The following NELL1 variants were observed in gnomAD, a reference collection of about 807,000 sequenced individuals.
The protein encoded by NELL1 is neural EGFL like 1, also known as protein kinase C-binding protein NELL1.
A neutral mutation model predicts 107.4 loss-of-function variants in NELL1; 76 were observed. The observed-to-expected ratio is 0.71, with a 90% confidence interval of 0.59 to 0.86. The LOEUF (loss-of-function observed/expected upper bound fraction) is 0.86. NELL1 is among the 40% of genes least tolerant of loss of function. The pLI is 0.00. For synonymous variants in NELL1, 353 were observed against 341.2 expected (o/e 1.03, Z -0.38); for missense variants, 1,024 against 1,005.5 (o/e 1.02, Z -0.25).
chr11:21,330,969 T>G (rs1850260359), intron 14 of NELL1, among the ~76,000 whole-genome samples: 2 of 152,130 alleles, frequency 1.3e-5, no homozygotes, highest in East Asian at 3.9e-4. Flanking sequence ...GGTTAGCTGA[T>G]TCTTCTACCC....
At chr11:21,211,222 C>A (rs564932729) in intron 13 of NELL1, among the ~76,000 whole-genome samples, 2 of 152,210 alleles carry the variant, frequency 1.3e-5, no homozygotes, top group South Asian at 2.1e-4. Context: ...ATTAAAAGTT[C>A]TTTCTCTGAG....
intron 13 of NELL1, among the ~76,000 whole-genome samples, chr11:21,116,483 C>A (rs919160193): frequency 6.6e-6 from 1 of 151,964 alleles, no homozygotes; most frequent in African/African-American, 2.4e-5. Flanking sequence ...ATTATATATT[C>A]AACTTGACAT....
chr11:20,987,085 T>C (rs1851868898), intron 12 of NELL1, among the ~76,000 whole-genome samples: 2 of 152,180 alleles, frequency 1.3e-5, no homozygotes, highest in Admixed American at 1.3e-4. Context: ...TCAAAATGGC[T>C]TTTTTTAATA....
intron 14 of NELL1, among the ~76,000 whole-genome samples, chr11:21,274,775 T>C (rs997373214): frequency 3.9e-5 from 6 of 152,168 alleles, no homozygotes; most frequent in Non-Finnish European, 8.8e-5. Context: ...ACATGGAAAC[T>C]GAACAACCTG....
intron 13 of NELL1, among the ~76,000 whole-genome samples, chr11:21,202,497 C>T (rs981160392): frequency 3.9e-5 from 6 of 152,216 alleles, no homozygotes; most frequent in African/African-American, 1.4e-4. Context: ...CTTATTGCAT[C>T]TATTTAATTC....
At chr11:21,284,286 G>A (rs763206111) in intron 14 of NELL1, 7 of 457,224 alleles carry the variant, frequency 1.5e-5, no homozygotes, top group South Asian at 1.1e-4. Context: ...CTAGTTGTTT[G>A]GGAAAACACA....
At chr11:20,855,180 T>C (rs1848860310) in intron 4 of NELL1, among the ~76,000 whole-genome samples, 1 of 151,814 alleles carries the variant, frequency 6.6e-6, no homozygotes, top group African/African-American at 2.4e-5. Flanking sequence ...ACTTTTTCTT[T>C]TTTTTTTTTT....
chr11:21,529,359 C>G (rs1295904907), intron 15 of NELL1, among the ~76,000 whole-genome samples: 1 of 152,090 alleles, frequency 6.6e-6, no homozygotes, highest in Admixed American at 6.6e-5. Context: ...GAAGCATGCT[C>G]CAGGCACATC....
At chr11:21,439,625 A>G (rs920802934) in intron 15 of NELL1, among the ~76,000 whole-genome samples, 3 of 152,154 alleles carry the variant, frequency 2.0e-5, no homozygotes, top group African/African-American at 7.2e-5. Flanking sequence ...TGCTTTTGGG[A>G]TCATTTCTTA....
At chr11:21,048,607 C>T (rs1366257863) in intron 12 of NELL1, among the ~76,000 whole-genome samples, 1 of 152,082 alleles carries the variant, frequency 6.6e-6, no homozygotes, top group Non-Finnish European at 1.5e-5. Context: ...TTAGGCTTGA[C>T]CTTTTCTTGT....
At chr11:20,767,648 G>A (rs1856558540) in intron 2 of NELL1, among the ~76,000 whole-genome samples, 1 of 152,220 alleles carries the variant, frequency 6.6e-6, no homozygotes. Flanking sequence ...TTATGTAAGA[G>A]TATGACAGAC....
At chr11:21,455,920 G>A (rs560463015) in intron 15 of NELL1, among the ~76,000 whole-genome samples, 13 of 146,858 alleles carry the variant, frequency 8.9e-5, no homozygotes, top group African/African-American at 1.5e-4. Context: ...GTGGAGTCTC[G>A]CTTTGTCGCC....
intron 11 of NELL1, among the ~76,000 whole-genome samples, chr11:20,958,022 A>C (rs72939223): frequency 0.023 from 3,552 of 152,332 alleles, 69 homozygotes; most frequent in Middle Eastern, 0.034. Context: ...AAATGATGAA[A>C]GATTTCATCA....
intron 4 of NELL1, among the ~76,000 whole-genome samples, chr11:20,880,641 C>A (rs1041319287): frequency 6.6e-6 from 1 of 152,098 alleles, no homozygotes; most frequent in Non-Finnish European, 1.5e-5. Context: ...TTTTTCAGTG[C>A]GGTATATTTT....
intron 2 of NELL1, among the ~76,000 whole-genome samples, chr11:20,753,310 C>T (rs1027875225): frequency 6.6e-6 from 1 of 152,150 alleles, no homozygotes; most frequent in African/African-American, 2.4e-5. Flanking sequence ...GATAGCAGAG[C>T]CTAGTGATCT....
Position 20,862,628 on chromosome 11 carries a change from T to TA in NELL1, c.506+14876dup, listed in dbSNP as rs1554933742. Among the ~76,000 whole-genome samples, 582 of 138,722 alleles carry TA rather than the reference T, an allele frequency of 4.2e-3. 7 individuals carry two copies. The highest frequency in any genetic ancestry group is 0.016 in the African/African-American group (553 of 35,634). 91.0% of individuals were successfully genotyped at this position (138,722 alleles called of 152,430 possible). A position where few individuals can be genotyped will look rare whatever the true frequency, so the allele number is the denominator to read the frequency against. ...TGCTTTTTTTTTTTTTTTTTTTTTT[T>TA]ATTGATCATTCTTGGGTGTTTCTCG... On this transcript the variant is annotated intron_variant, in intron 4 of 19. Coordinates refer to ENST00000357134, the MANE Select transcript of NELL1 (RefSeq NM_006157.5).
At chr11:21,434,776 A>G (rs961276816) in intron 15 of NELL1, among the ~76,000 whole-genome samples, 3 of 152,074 alleles carry the variant, frequency 2.0e-5, no homozygotes, top group African/African-American at 7.2e-5. Context: ...TTGAATTTGT[A>G]GATTGCTTTC....
chr11:21,172,107 A>G (rs2133813559), intron 13 of NELL1, among the ~76,000 whole-genome samples: 1 of 149,854 alleles, frequency 6.7e-6, no homozygotes, highest in South Asian at 2.1e-4. Context: ...CGTTTTAAAA[A>G]CTGCACCGCA....
chr11:21,070,388 T>A (rs1004062664), intron 12 of NELL1, among the ~76,000 whole-genome samples: 1 of 151,834 alleles, frequency 6.6e-6, no homozygotes, highest in Non-Finnish European at 1.5e-5. Flanking sequence ...TAATCTAGAG[T>A]TTTTTATACT....
Sources: allele counts gnomAD v4.1 joint callset (sites outside exome capture counted in the v4.1 genomes callset), GRCh38; gene constraint gnomAD v4.1.1; transcripts MANE v1.5; gene names NCBI Gene and HGNC (gene_info 2026-07-23, HGNC 2026-07-21).